Variants in TSPAN19 observed in about 807,000 individuals in gnomAD.
TSPAN19 encodes the protein tetraspanin-19.
Under a neutral mutation model 35.1 loss-of-function variants are expected in TSPAN19, and 44 were observed. The ratio of observed to expected loss-of-function variants is 1.25; its 90% confidence interval spans 0.98 to 1.61. The LOEUF (loss-of-function observed/expected upper bound fraction) is 1.61, where lower values mean the gene tolerates loss of function less well. TSPAN19 is among the 40% of genes most tolerant of loss of function. TSPAN19 has a pLI of 0.00. For missense variants in TSPAN19, 290 were observed against 280.0 expected (o/e 1.04, Z -0.26); for synonymous variants, 79 against 92.0 (o/e 0.86, Z 0.81).
intron 7 of TSPAN19, chr12:85,016,713 C>A (rs1486960046): frequency 6.6e-6 from 1 of 151,748 alleles, no homozygotes; most frequent in Non-Finnish European, 1.5e-5. Context: ...TTGTTTATTT[C>A]TGGAATTTTC....
In TSPAN19 at chr12:85,023,342, A is replaced by T; in HGVS notation, c.323T>A (p.Ile108Asn). 1.3e-6 allele frequency: 2 copies of T among 1,585,240 alleles called. No individual in the cohort carries two copies. Among genetic ancestry groups the T allele is most frequent in the Non-Finnish European group, 1.7e-6 (2 of 1,164,474 alleles). The change falls in exon 5 of 9, where the codon ATC (isoleucine) becomes AAC (asparagine). Residue 108 changes from isoleucine to asparagine, a missense_variant. Coordinates refer to ENST00000532498, the MANE Select transcript of TSPAN19 (RefSeq NM_001100917.2). Reference protein sequence around the residue: ...AVQVVLSAFIITKKEEVQQLW... With the variant: ...AVQVVLSAFINTKKEEVQQLW... Reference sequence around the variant, plus strand: ...TTTCCATACCTCCTCTTTCTTTGTGATGATGAATGCTGAAAGTACAACCTG... The same window carrying T: ...TTTCCATACCTCCTCTTTCTTTGTGTTGATGAATGCTGAAAGTACAACCTG...
intron 1 of TSPAN19, among the ~76,000 whole-genome samples, chr12:85,031,184 T>G (rs1280825121): frequency 6.6e-6 from 1 of 152,144 alleles, no homozygotes; most frequent in East Asian, 1.9e-4. Context: ...CTTCTACCTA[T>G]GCTTTGAATT....
chr12:85,022,898 T>G (rs1877199698), intron 5 of TSPAN19, among the ~76,000 whole-genome samples: 2 of 152,124 alleles, frequency 1.3e-5, no homozygotes. Flanking sequence ...ATATAGGAAT[T>G]ATTCAGTATG....
intron 1 of TSPAN19, among the ~76,000 whole-genome samples, chr12:85,031,876 A>G (rs973628363): frequency 6.6e-6 from 1 of 152,072 alleles, no homozygotes; most frequent in East Asian, 1.9e-4. Flanking sequence ...CCATGTACCC[A>G]GGATAAAGAA....
rs554663771 is a variant in TSPAN19 at position 85,024,980 on chromosome 12, TAA to T, written c.265-1582_265-1581del. Among the ~76,000 whole-genome samples, 1,443 of 152,036 alleles carry T rather than the reference TAA, an allele frequency of 9.5e-3. 16 individuals carry two copies. The highest frequency in any genetic ancestry group is 0.014 in the Non-Finnish European group (943 of 67,978). On this transcript the variant is annotated intron_variant, in intron 4 of 8. Coordinates refer to ENST00000532498, the MANE Select transcript of TSPAN19 (RefSeq NM_001100917.2). ...TCTGACCAAAATTTTCTTCTTGAGA[TAA>T]GTTATGTTTCCTAGTTTCAGAGAAA...
intron 4 of TSPAN19, 145 bp from the exon 5 acceptor site, chr12:85,023,545 T>A (rs1438496572): frequency 3.5e-6 from 2 of 573,200 alleles, no homozygotes; most frequent in Non-Finnish European, 5.9e-6. Context: ...TTCACAAATA[T>A]GAATGAAATT....
At chr12:85,032,046 A>G (rs2135818719) in intron 1 of TSPAN19, among the ~76,000 whole-genome samples, 2 of 152,274 alleles carry the variant, frequency 1.3e-5, no homozygotes, top group Admixed American at 1.3e-4. Flanking sequence ...TAGGATGGGA[A>G]AATAAAAGAA....
At chr12:85,035,000 T>C (rs948788122) in intron 1 of TSPAN19, 4 of 152,210 alleles carry the variant, frequency 2.6e-5, no homozygotes, top group African/African-American at 7.2e-5. Context: ...TTAAAGGATT[T>C]ATAATTTTTA....
rs1877505869 is a variant in TSPAN19, at chr12:85,028,026, G to A, written c.140-3C>T. On this transcript the variant is annotated splice_region_variant and splice_polypyrimidine_tract_variant and intron_variant, in intron 3 of 8. Coordinates refer to ENST00000532498, the MANE Select transcript of TSPAN19 (RefSeq NM_001100917.2). ...TACTATGAAGTGATTATTTTCATCT[G>A]TGAAAAGTACAAATTTACTTATTAT... 6.5e-7 allele frequency: 1 copy of A among 1,534,560 alleles called. No homozygotes were observed. Among genetic ancestry groups the A allele is most frequent in the East Asian group, 2.3e-5 (1 of 43,318 alleles).
rs182174133 is a variant in TSPAN19 at position 85,031,441 on chromosome 12, G to A, written c.-27-1468C>T. ...GGTCTTGGCCCCTGTCTGTGAAGAA[G>A]AAAGAGAATGGATACTAATGAACCA... On this transcript the variant is annotated intron_variant, in intron 1 of 8. Coordinates refer to ENST00000532498, the MANE Select transcript of TSPAN19 (RefSeq NM_001100917.2). Among the ~76,000 whole-genome samples the A allele has an allele frequency of 2.6e-5, 4 of 152,230 alleles. No homozygotes were observed. In the East Asian group the frequency reaches 7.7e-4, roughly 29 times the overall value.
chr12:85,021,204 T>C (rs896821088), intron 5 of TSPAN19, among the ~76,000 whole-genome samples: 6 of 152,056 alleles, frequency 3.9e-5, no homozygotes, highest in Non-Finnish European at 8.8e-5. Flanking sequence ...TTATTTACTT[T>C]TGTTTACAAG....
chr12:85,023,517 T>C, intron 4 of TSPAN19, 117 bp from the exon 5 acceptor site: 2 of 688,686 alleles, frequency 2.9e-6, no homozygotes, highest in South Asian at 2.5e-5. Flanking sequence ...TATATGGGTA[T>C]TGCTGAGGCT....
rs527820835 is a variant in TSPAN19, at chr12:85,030,262, C to T, written c.-27-289G>A. Among the ~76,000 whole-genome samples, 240 of 152,190 alleles carry T rather than the reference C, an allele frequency of 1.6e-3. 2 individuals are homozygous for T. The highest frequency in any genetic ancestry group is 5.6e-3 in the African/African-American group (232 of 41,558). The stretch of plus-strand genomic sequence containing the variant: ...TTGTATAACAAGTCAAGTAGCCTTA[C>T]TGAATTTCTTGCAGTTTCAAAAAGT... On this transcript the variant is annotated intron_variant, in intron 1 of 8. Coordinates refer to ENST00000532498, the MANE Select transcript of TSPAN19 (RefSeq NM_001100917.2).
intron 2 of TSPAN19, 33 bp from the exon 3 acceptor site, chr12:85,029,824 T>C (rs1289901140): frequency 1.3e-6 from 2 of 1,530,956 alleles, no homozygotes; most frequent in Admixed American, 2.1e-5. Flanking sequence ...TATTTTTTTG[T>C]AATTGCCTAT....
intron 4 of TSPAN19, 88 bp downstream of exon 4, chr12:85,027,811 A>G (rs1014298873): frequency 7.7e-7 from 1 of 1,296,246 alleles, no homozygotes; most frequent in Non-Finnish European, 1.1e-6. Context: ...CTGCAGTGCC[A>G]TGCTAATATA....
intron 7 of TSPAN19, 86 bp from the exon 8 acceptor site, chr12:85,016,057 G>C (rs1019164474): frequency 5.9e-6 from 5 of 844,872 alleles, no homozygotes; most frequent in Non-Finnish European, 8.6e-6. Flanking sequence ...GGTAAACAGA[G>C]ATTAGTAATT....
At chr12:85,031,302 A>T (rs1877674088) in intron 1 of TSPAN19, among the ~76,000 whole-genome samples, 1 of 152,106 alleles carries the variant, frequency 6.6e-6, no homozygotes, top group Non-Finnish European at 1.5e-5. Context: ...AGACTGCATG[A>T]TTTTTATTTC....
chr12:85,029,342 A>G (rs1461774678), intron 3 of TSPAN19, among the ~76,000 whole-genome samples: 1 of 152,120 alleles, frequency 6.6e-6, no homozygotes, highest in East Asian at 1.9e-4. Context: ...GTACATATTC[A>G]TGGGTGTTGT....
chr12:85,034,395 G>A (rs1322631678), intron 1 of TSPAN19, among the ~76,000 whole-genome samples: 1 of 151,970 alleles, frequency 6.6e-6, no homozygotes, highest in Non-Finnish European at 1.5e-5. Flanking sequence ...AGATAACAAA[G>A]AACAAACAGT....
Sources: allele counts gnomAD v4.1 joint callset (sites outside exome capture counted in the v4.1 genomes callset), GRCh38; gene constraint gnomAD v4.1.1; transcripts MANE v1.5; gene names NCBI Gene and HGNC (gene_info 2026-07-23, HGNC 2026-07-21).